OSBP: variants seen among roughly 807,000 people sequenced by gnomAD.
OSBP encodes oxysterol binding protein.
Under a neutral mutation model 96.6 loss-of-function variants are expected in OSBP, and 32 were observed. The observed-to-expected ratio is 0.33, with a 90% CI of 0.25 to 0.45. The LOEUF is 0.45. Ranked by LOEUF, OSBP falls within the 20% of genes least tolerant of loss-of-function variation. The pLI is 1.00. For missense variants in OSBP, 653 were observed against 1,029.7 expected, an observed-to-expected ratio of 0.63 and a Z score of 5.01; for synonymous variants, 369 against 389.6, an observed-to-expected ratio of 0.95 and a Z score of 0.62.
chr11:59,596,992 C>T (rs1272400688), intron 7 of OSBP, among the ~76,000 whole-genome samples: 11 of 152,238 alleles, frequency 7.2e-5, no homozygotes, highest in African/African-American at 2.6e-4. Context: ...ACTGTACATT[C>T]TTAAAGGCAA....
rs780435407 is a variant in OSBP at position 59,577,038 on chromosome 11, G to A, written c.2061-13C>T. 2.5e-6 allele frequency: 4 copies of A among 1,604,534 alleles called. No individual in the cohort carries two copies. The highest frequency in any genetic ancestry group is 3.4e-6 in the Non-Finnish European group (4 of 1,175,232). On this transcript the variant is annotated splice_polypyrimidine_tract_variant and intron_variant, in intron 12 of 13. Transcript: ENST00000263847. The stretch of plus-strand genomic sequence containing the variant: ...TTCTGCATTCTTCCTAAAAGTAGAA[G>A]ACAAGAAAAAGAAATGGTAATCCCA...
chr11:59,593,856 T>TC, intron 8 of OSBP, 132 bp from the exon 9 acceptor site: 2 of 1,425,242 alleles, frequency 1.4e-6, no homozygotes, highest in East Asian at 4.8e-5. Flanking sequence ...TCCCAGAACC[T>TC]CCAGGGTCTC....
chr11:59,592,671 T>C (rs1372931695), intron 9 of OSBP, among the ~76,000 whole-genome samples: 7 of 152,242 alleles, frequency 4.6e-5, no homozygotes, highest in African/African-American at 1.4e-4. Context: ...ACCATACTTT[T>C]TGAATAACTG....
chr11:59,577,393 G>A (rs1403839427), intron 12 of OSBP, among the ~76,000 whole-genome samples: 2 of 151,892 alleles, frequency 1.3e-5, no homozygotes, highest in African/African-American at 4.8e-5. Flanking sequence ...CAAACTGACT[G>A]TATTAGATGA....
At chr11:59,614,758 G>A (rs896651732) in intron 1 of OSBP, among the ~76,000 whole-genome samples, 5 of 152,212 alleles carry the variant, frequency 3.3e-5, no homozygotes, top group African/African-American at 7.2e-5. Flanking sequence ...GCAGAAAGGG[G>A]ACGGAATACC....
chr11:59,612,012 G>T (rs1049950181), intron 1 of OSBP, among the ~76,000 whole-genome samples: 2 of 152,244 alleles, frequency 1.3e-5, no homozygotes, highest in African/African-American at 4.8e-5. Context: ...AGAGGTCAAA[G>T]TCCTTTGCCA....
At chr11:59,599,843 G>A (rs548544982) in intron 7 of OSBP, among the ~76,000 whole-genome samples, 2 of 152,338 alleles carry the variant, frequency 1.3e-5, no homozygotes, top group South Asian at 2.1e-4. Context: ...GCGTGGGGTA[G>A]AGCCTCGCCC....
intron 7 of OSBP, among the ~76,000 whole-genome samples, chr11:59,596,772 G>A (rs994836570): frequency 2.0e-5 from 3 of 152,130 alleles, no homozygotes; most frequent in Non-Finnish European, 4.4e-5. Context: ...GAGCCACGTA[G>A]GTGCGCCAGA....
intron 9 of OSBP, among the ~76,000 whole-genome samples, chr11:59,582,410 GAAT>G (rs1860432740): frequency 6.6e-6 from 1 of 152,156 alleles, no homozygotes; most frequent in South Asian, 2.1e-4. Context: ...CCTGGTTGGT[GAAT>G]AGATCAGTGT....
chr11:59,582,446 A>C (rs938965568), intron 9 of OSBP, among the ~76,000 whole-genome samples: 2 of 152,110 alleles, frequency 1.3e-5, no homozygotes, highest in Non-Finnish European at 2.9e-5. Context: ...ATGTGCCCTG[A>C]TCCCATGGAG....
rs1860910420 is a variant in OSBP at position 59,615,380 on chromosome 11, G to A, written c.285C>T (p.Leu95=). The A allele has an allele frequency of 6.3e-6, 10 of 1,594,406 alleles. No individual in the cohort carries two copies. The highest frequency in any genetic ancestry group is 2.2e-5 in the South Asian group (2 of 89,258). Residue 95 remains leucine (L), a synonymous_variant, in exon 1 of 14, where the codon CTC becomes CTT. Coordinates refer to ENST00000263847, the MANE Select transcript of OSBP (RefSeq NM_002556.3). Reference sequence around the variant, plus strand: ...CTTTGATATAATTGGTCCATTTGAAGAGCCAGCCCTCTCGAGCCGAGCCCG... The same window carrying A: ...CTTTGATATAATTGGTCCATTTGAAAAGCCAGCCCTCTCGAGCCGAGCCCG... ...GGSGSAREGW[L]FKWTNYIKGY...
At chr11:59,599,438 C>T (rs1860693631) in intron 7 of OSBP, among the ~76,000 whole-genome samples, 1 of 152,148 alleles carries the variant, frequency 6.6e-6, no homozygotes, top group Admixed American at 6.5e-5. Context: ...TCCCCAACCC[C>T]ACAGTTGGCC....
chr11:59,610,798 A>AT (rs61595958), intron 1 of OSBP, among the ~76,000 whole-genome samples: 4,594 of 127,082 alleles, frequency 0.036, 181 homozygotes, highest in African/African-American at 0.1. Context: ...TCTGAGTCAG[A>AT]TTTTTTTTTT....
At chr11:59,594,305 G>C (rs1162232502) in intron 7 of OSBP, 50 bp from the exon 8 acceptor site, 1 of 1,574,982 alleles carries the variant, frequency 6.3e-7, no homozygotes, top group Non-Finnish European at 8.6e-7. Flanking sequence ...ATCTATAAGA[G>C]ACAGTTTAAT....
chr11:59,576,447 G>T lies in OSBP; in HGVS notation c.*130C>A. The T allele has an allele frequency of 9.4e-7, 1 of 1,067,202 alleles. No individual in the cohort carries two copies. The highest frequency in any genetic ancestry group is 1.4e-6 in the Non-Finnish European group (1 of 739,896). The allele number at this position is 1,067,202 out of a possible 1,614,324, so 66.1% of individuals were successfully genotyped here. A position where few individuals can be genotyped will look rare whatever the true frequency, so the allele number is the denominator to read the frequency against. ...GGTGTCTCCTTCTGGTGATTGATTT[G>T]GAAAAAATGATTGGTCAAGAGAGAC... On this transcript the variant is annotated 3_prime_UTR_variant, in exon 14 of 14. Transcript: ENST00000263847.
chr11:59,602,856 G>C (rs1041373840), intron 3 of OSBP, among the ~76,000 whole-genome samples: 1 of 152,216 alleles, frequency 6.6e-6, no homozygotes, highest in African/African-American at 2.4e-5. Context: ...ACGGACTCAA[G>C]TGATCTACCC....
intron 3 of OSBP, 123 bp downstream of exon 3, chr11:59,608,361 T>G (rs1860808456): frequency 8.6e-7 from 1 of 1,163,532 alleles, no homozygotes; most frequent in East Asian, 2.3e-5. Context: ...TTAAAGCCCT[T>G]GACCAGTGAA....
intron 9 of OSBP, among the ~76,000 whole-genome samples, chr11:59,583,161 A>C (rs1315751920): frequency 6.6e-6 from 1 of 151,778 alleles, no homozygotes; most frequent in Non-Finnish European, 1.5e-5. Context: ...AAATACAAAA[A>C]ATTAGCTGGG....
At chr11:59,590,882 GA>G (rs1860570294) in intron 9 of OSBP, among the ~76,000 whole-genome samples, 1 of 152,210 alleles carries the variant, frequency 6.6e-6, no homozygotes, top group South Asian at 2.1e-4. Flanking sequence ...CAAATACCTA[GA>G]AATTCCATTC....
Sources: gnomAD v4.1 joint callset for allele counts (sites outside exome capture counted in the v4.1 genomes callset) on GRCh38, gnomAD v4.1.1 for gene constraint, MANE v1.5 for transcripts, NCBI Gene and HGNC (gene_info 2026-07-23, HGNC 2026-07-21) for gene names.